VPS13D: variants seen among roughly 807,000 people sequenced by gnomAD.
The protein encoded by VPS13D is intermembrane lipid transfer protein VPS13D.
VPS13D carries 187 observed loss-of-function variants against 461.9 expected under a neutral mutation model. The observed-to-expected ratio is 0.40, with a 90% confidence interval of 0.36 to 0.46. The LOEUF (loss-of-function observed/expected upper bound fraction) is 0.46. Ranked by LOEUF, VPS13D falls within the 20% of genes least tolerant of loss-of-function variation. The probability of loss-of-function intolerance (pLI) is 0.60; values close to 1 mark genes in which losing one functional copy is unlikely to be tolerated. For missense variants in VPS13D, 4,711 were observed against 5,364.9 expected (o/e 0.88, Z 3.81); for synonymous variants, 1,951 against 1,986.3 (o/e 0.98, Z 0.47).
intron 68 of VPS13D, among the ~76,000 whole-genome samples, chr1:12,500,650 AT>A (rs1646022835): frequency 6.6e-6 from 1 of 151,942 alleles, no homozygotes; most frequent in South Asian, 2.1e-4. Context: ...CATTTATGGG[AT>A]TTTTTAAATA....
chr1:12,281,762 G>A (rs1461973430), intron 20 of VPS13D, among the ~76,000 whole-genome samples: 1 of 152,040 alleles, frequency 6.6e-6, no homozygotes, highest in East Asian at 1.9e-4. Flanking sequence ...AACTTCGATG[G>A]CACACATTAT....
chr1:12,278,745 C>G (rs1641693178), intron 19 of VPS13D, among the ~76,000 whole-genome samples: 1 of 152,206 alleles, frequency 6.6e-6, no homozygotes. Context: ...GCCCAAGATG[C>G]CTCAAGGGGT....
At chr1:12,274,468 C>T (rs374840356) in intron 18 of VPS13D, among the ~76,000 whole-genome samples, 24 of 151,754 alleles carry the variant, frequency 1.6e-4, no homozygotes, top group Admixed American at 6.6e-4. Flanking sequence ...TGAGCCACCA[C>T]GCCCGGCCAA....
intron 10 of VPS13D, among the ~76,000 whole-genome samples, chr1:12,258,904 C>T (rs1304149505): frequency 3.3e-5 from 5 of 152,158 alleles, no homozygotes; most frequent in African/African-American, 7.2e-5. Flanking sequence ...CCTCTCCTGC[C>T]GGCACCCTGA....
At chr1:12,475,262 T>G (rs1304167088) in intron 67 of VPS13D, among the ~76,000 whole-genome samples, 1 of 152,160 alleles carries the variant, frequency 6.6e-6, no homozygotes, top group Non-Finnish European at 1.5e-5. Context: ...TTTGTGACCT[T>G]GTGCAGACAG....
At chr1:12,338,190 A>G in intron 39 of VPS13D, 41 bp from the exon 40 acceptor site, 1 of 1,543,404 alleles carries the variant, frequency 6.5e-7, no homozygotes. Context: ...ATTTCACTGT[A>G]TTTATTCTTA....
chr1:12,409,799 G>A (rs765491253), intron 63 of VPS13D: 47 of 447,586 alleles, frequency 1.1e-4, no homozygotes, highest in Admixed American at 6.9e-4. Context: ...TCGTGGGGGC[G>A]GGGTTGGGGA....
chr1:12,385,338 A>G lies in VPS13D; in HGVS notation c.11449A>G (p.Lys3817Glu), dbSNP rs1570061614. 1.9e-6 allele frequency: 3 copies of G among 1,613,948 alleles called. No individual in the cohort carries two copies. The East Asian group carries it at 6.7e-5, about 36-fold the overall frequency. ...ELPVTEQELQ[K>E]LKNPDTEQEL... ...TCCTGTCACCGAACAAGAGCTGCAG[A>G]AATTAAAGAATCCAGATACAGAGCA... is the stretch of plus-strand genomic sequence containing the variant. Residue 3817 changes from lysine to glutamate, a missense_variant, in exon 59 of 70, where the codon AAA (lysine) becomes GAA (glutamate). Physicochemically the swap from Lys to Glu is moderately conservative, Grantham distance 56. This residue lies in a region of VPS13D where 4,411 missense variants were observed against 4,937.8 expected (regional missense o/e 0.89). Coordinates refer to ENST00000620676, the MANE Select transcript of VPS13D (RefSeq NM_015378.4).
chr1:12,305,625 T>C (rs1466338503), intron 26 of VPS13D, among the ~76,000 whole-genome samples: 9 of 152,140 alleles, frequency 5.9e-5, no homozygotes, highest in African/African-American at 1.4e-4. Context: ...GGATGAGTCA[T>C]GTGCCCGATA....
intron 63 of VPS13D, among the ~76,000 whole-genome samples, 154 bp from the exon 64 acceptor site, chr1:12,414,933 A>G (rs1307406507): frequency 6.6e-6 from 1 of 152,112 alleles, no homozygotes; most frequent in Non-Finnish European, 1.5e-5. Context: ...TTTTACTTTT[A>G]TAGTTATAGG....
chr1:12,465,745 A>G (rs748055274), intron 67 of VPS13D, among the ~76,000 whole-genome samples: 43 of 152,316 alleles, frequency 2.8e-4, no homozygotes, highest in Non-Finnish European at 5.3e-4. Flanking sequence ...TTTGTTAACA[A>G]TGTTTGCATG....
chr1:12,357,538 T>C (rs1643896474), intron 49 of VPS13D, among the ~76,000 whole-genome samples: 1 of 152,246 alleles, frequency 6.6e-6, no homozygotes, highest in Non-Finnish European at 1.5e-5. Context: ...TCCCAATGGT[T>C]TAGGCAGGGC....
intron 6 of VPS13D, among the ~76,000 whole-genome samples, 190 bp from the exon 7 acceptor site, chr1:12,253,532 G>T (rs977858266): frequency 2.0e-5 from 3 of 152,116 alleles, no homozygotes; most frequent in Admixed American, 6.6e-5. Flanking sequence ...TTATGTATTT[G>T]CCTGTTTGTA....
At chr1:12,293,756 A>G in intron 24 of VPS13D, 52 bp downstream of exon 24, 1 of 1,567,510 alleles carries the variant, frequency 6.4e-7, no homozygotes, top group Non-Finnish European at 8.6e-7. Flanking sequence ...TGATCAGTAG[A>G]ACTTTTAGGC....
chr1:12,479,340 G>A (rs1027038104), intron 67 of VPS13D, among the ~76,000 whole-genome samples: 3 of 152,210 alleles, frequency 2.0e-5, no homozygotes, highest in Non-Finnish European at 4.4e-5. Flanking sequence ...CCTGTGCTTT[G>A]TCCATGGTGT....
Position 12,249,322 on chromosome 1 carries a change from A to C in VPS13D, c.547A>C (p.Asn183His). ...CTGCATTAAGAATGTGTCCATGCAA[A>C]ATGCTGTGAATGAGCCTGTGAGTAT... is the stretch of plus-strand genomic sequence containing the variant. ...GICIKNVSMQ[N>H]AVNEPVQKLM... is the part of the protein sequence containing the mutation. Residue 183 changes from asparagine (N) to histidine (H), a missense_variant, in exon 6 of 70, where the codon AAT (asparagine) becomes CAT (histidine). Asn to His is a moderately conservative substitution (Grantham distance 68). This residue lies in a region of VPS13D where 4,411 missense variants were observed against 4,937.8 expected (regional missense o/e 0.89). Transcript: ENST00000620676. 6.2e-7 allele frequency: 1 copy of C among 1,613,210 alleles called. No homozygotes were observed. Among genetic ancestry groups the C allele is most frequent in the Non-Finnish European group, 8.5e-7 (1 of 1,179,582 alleles).
rs748408065 is a variant in VPS13D at position 12,277,711 on chromosome 1, C to A, written c.4123C>A (p.Leu1375Ile). The A allele has an allele frequency of 5.6e-6, 9 of 1,614,064 alleles. No homozygotes were observed. In the African/African-American group the frequency reaches 1.2e-4, roughly 22 times the overall value. The change falls in exon 19 of 70, where the codon CTA becomes ATA. Residue 1375 changes from leucine (L) to isoleucine (I), a missense_variant. By Grantham distance (5) the Leu-to-Ile change is conservative. Transcript: ENST00000620676. ...TTCGTCTCATTTGGACACTGTAAAG[C>A]TAATCTTGAACATAAACATTGAATC... ...LASSHLDTVKLILNINIESPV... is the reference protein window; with the variant it reads ...LASSHLDTVKIILNINIESPV...
chr1:12,338,369 A>AT (rs914241439), intron 40 of VPS13D, 64 bp downstream of exon 40: 49,336 of 1,153,534 alleles, frequency 0.043, no homozygotes, highest in South Asian at 0.061. Context: ...TTGTACATCA[A>AT]TTTTTTTTTT....
chr1:12,317,600 C>A (rs1221472925), intron 30 of VPS13D, among the ~76,000 whole-genome samples: 1 of 151,812 alleles, frequency 6.6e-6, no homozygotes, highest in Non-Finnish European at 1.5e-5. Flanking sequence ...TCTCCAAGGG[C>A]CAGGTGCAGT....
Sources: allele counts gnomAD v4.1 joint callset (sites outside exome capture counted in the v4.1 genomes callset), GRCh38; gene constraint gnomAD v4.1.1; regional missense constraint gnomAD v4.1.1; transcripts MANE v1.5; gene names NCBI Gene and HGNC (gene_info 2026-07-23, HGNC 2026-07-21).